The following CFAP61 variants were observed in gnomAD, a reference collection of about 807,000 sequenced individuals.
CFAP61 encodes cilia- and flagella-associated protein 61.
Under a neutral mutation model 135.6 loss-of-function variants are expected in CFAP61, and 107 were observed. The ratio of observed to expected loss-of-function variants is 0.79; its 90% confidence interval spans 0.67 to 0.93. The LOEUF is 0.93. Ranked by LOEUF, CFAP61 falls within the 40% of genes least tolerant of loss-of-function variation. The probability of loss-of-function intolerance (pLI) is 0.00; values close to 1 mark genes in which losing one functional copy is unlikely to be tolerated. For missense variants in CFAP61, 1,507 were observed against 1,556.2 expected (o/e 0.97, Z 0.53); for synonymous variants, 575 against 578.5 (o/e 0.99, Z 0.09).
chr20:20,298,364 A>C lies in CFAP61; in HGVS notation c.3400A>C (p.Asn1134His). The change falls in exon 25 of 27, where the codon AAC (asparagine) becomes CAC (histidine). Residue 1134 changes from asparagine to histidine, a missense_variant. Physicochemically the swap from Asn to His is moderately conservative, Grantham distance 68. Transcript: ENST00000245957. ...LNNLCARYDE[N>H]LITDLYSYFT... is the part of the protein sequence containing the mutation. ...CAACCTGTGTGCTCGGTACGATGAAAACCTGATCACAGATCTCTATAGGTG... is the reference window on the plus strand; with the variant it reads ...CAACCTGTGTGCTCGGTACGATGAACACCTGATCACAGATCTCTATAGGTG... The C allele has an allele frequency of 1.9e-6, 3 of 1,614,074 alleles. No homozygotes were observed. Among genetic ancestry groups the C allele is most frequent in the Non-Finnish European group, 2.5e-6 (3 of 1,179,984 alleles).
intron 18 of CFAP61, among the ~76,000 whole-genome samples, chr20:20,240,568 C>T (rs1266482412): frequency 1.3e-5 from 2 of 151,302 alleles, no homozygotes; most frequent in East Asian, 1.9e-4. Flanking sequence ...TTGTGGAGTC[C>T]GCCATCTTTT....
chr20:20,059,401 G>A lies in CFAP61; in HGVS notation c.143+2605G>A, dbSNP rs187475933. 1.0e-3 allele frequency among the ~76,000 whole-genome samples: 144 copies of A among 141,814 alleles called. No individual in the cohort carries two copies. In the Middle Eastern group the frequency reaches 0.044, roughly 43 times the overall value. 93.0% of individuals were successfully genotyped at this position (141,814 alleles called of 152,430 possible). A position where few individuals can be genotyped will look rare whatever the true frequency, so the allele number is the denominator to read the frequency against. ...GGATGCTGAGGTGGGCAGATCATCC[G>A]AGGTCAGGAGTTTGAGACCAACCTG... On this transcript the variant is annotated intron_variant, in intron 2 of 26. Transcript: ENST00000245957.
intron 13 of CFAP61, among the ~76,000 whole-genome samples, chr20:20,175,645 G>A (rs1247342975): frequency 6.6e-6 from 1 of 152,008 alleles, no homozygotes; most frequent in Non-Finnish European, 1.5e-5. Context: ...TCCTGCCTCA[G>A]CCTCCCGAGT....
In CFAP61 at chr20:20,337,612, G is replaced by A. The variant is rs1349800586; in HGVS notation, c.3423-4219G>A. Among the ~76,000 whole-genome samples the A allele has an allele frequency of 3.1e-3, 17 of 5,458 alleles. 1 individual carries two copies. Among genetic ancestry groups the A allele is most frequent in the Non-Finnish European group, 0.02 (7 of 352 alleles). The allele number at this position is 5,458 out of a possible 152,430, so 3.6% of individuals were successfully genotyped here. A position where few individuals can be genotyped will look rare whatever the true frequency, so the allele number is the denominator to read the frequency against. ...GGTGGATGGATGGATGGATAGATGG[G>A]TGGGTGGGTGGATGGATGGATGGAT... On this transcript the variant is annotated intron_variant, in intron 25 of 26. Coordinates refer to ENST00000245957, the MANE Select transcript of CFAP61 (RefSeq NM_015585.4).
At chr20:20,097,996 G>A (rs1011012787) in intron 7 of CFAP61, among the ~76,000 whole-genome samples, 9 of 152,122 alleles carry the variant, frequency 5.9e-5, no homozygotes, top group African/African-American at 1.9e-4. Flanking sequence ...AGACAGGAGC[G>A]CCAGGCTTAT....
At chr20:20,164,462 G>C (rs2053656170) in intron 11 of CFAP61, among the ~76,000 whole-genome samples, 1 of 152,174 alleles carries the variant, frequency 6.6e-6, no homozygotes, top group Non-Finnish European at 1.5e-5. Flanking sequence ...TAACAATTGG[G>C]AATCTGGAAA....
intron 26 of CFAP61, among the ~76,000 whole-genome samples, chr20:20,358,997 C>A (rs1461627003): frequency 6.6e-6 from 1 of 152,164 alleles, no homozygotes; most frequent in African/African-American, 2.4e-5. Flanking sequence ...TCTAGAAGTA[C>A]CCTGCTCTGG....
chr20:20,320,508 A>C (rs1203728571), intron 25 of CFAP61, among the ~76,000 whole-genome samples: 1 of 43,124 alleles, frequency 2.3e-5, no homozygotes, highest in Non-Finnish European at 5.1e-5. Context: ...TATATTATAT[A>C]TGTAATATAT....
chr20:20,323,768 G>T (rs1602018689), intron 25 of CFAP61, among the ~76,000 whole-genome samples: 1 of 152,046 alleles, frequency 6.6e-6, no homozygotes, highest in African/African-American at 2.4e-5. Flanking sequence ...ATGAAATAAA[G>T]AATTGCAAAG....
chr20:20,318,259 G>C (rs570788807), intron 25 of CFAP61, among the ~76,000 whole-genome samples: 18 of 152,302 alleles, frequency 1.2e-4, no homozygotes, highest in Admixed American at 1.0e-3. Context: ...GGCCTGTATT[G>C]CAACAGCTCA....
intron 17 of CFAP61, among the ~76,000 whole-genome samples, chr20:20,203,439 A>G (rs1430260856): frequency 6.6e-6 from 1 of 152,232 alleles, no homozygotes; most frequent in East Asian, 1.9e-4. Flanking sequence ...GCCTGCCTGC[A>G]TAAGAATTAT....
rs1602210288 is a variant in CFAP61, at chr20:20,360,501, T to A, written c.*91T>A. 1 of 1,220,440 alleles carries A rather than the reference T, an allele frequency of 8.2e-7. No individual in the cohort carries two copies. The highest frequency in any genetic ancestry group is 2.3e-5 in the East Asian group (1 of 42,886). 75.6% of individuals were successfully genotyped at this position (1,220,440 alleles called of 1,614,324 possible). ...ATAGAAAAGTTCTCTGCAGCCTGGT[T>A]TGACAGCGAAGCCAGCCCCTGGTGG... On this transcript the variant is annotated 3_prime_UTR_variant, in exon 27 of 27. Transcript: ENST00000245957.
At chr20:20,324,922 A>G (rs935470544) in intron 25 of CFAP61, among the ~76,000 whole-genome samples, 5 of 152,202 alleles carry the variant, frequency 3.3e-5, no homozygotes, top group Admixed American at 3.3e-4. Flanking sequence ...ATGAGAATTT[A>G]TTATATTTAA....
chr20:20,130,824 G>T (rs981122182), intron 8 of CFAP61, among the ~76,000 whole-genome samples: 1 of 151,824 alleles, frequency 6.6e-6, no homozygotes, highest in Non-Finnish European at 1.5e-5. Context: ...GTCTCCTTTG[G>T]TTGAGTTACA....
chr20:20,204,940 T>C (rs1439466996), intron 17 of CFAP61, among the ~76,000 whole-genome samples: 2 of 152,206 alleles, frequency 1.3e-5, no homozygotes, highest in Non-Finnish European at 2.9e-5. Context: ...CTTCTACTTA[T>C]AGTGAACTCT....
At chr20:20,082,159 C>T (rs1297095229) in intron 6 of CFAP61, among the ~76,000 whole-genome samples, 3 of 152,180 alleles carry the variant, frequency 2.0e-5, no homozygotes, top group Non-Finnish European at 4.4e-5. Context: ...CCTCCTTTCT[C>T]TTATTTCCCT....
At chr20:20,206,808 C>G (rs1040668011) in intron 17 of CFAP61, among the ~76,000 whole-genome samples, 1 of 151,950 alleles carries the variant, frequency 6.6e-6, no homozygotes, top group African/African-American at 2.4e-5. Flanking sequence ...ACAAGTGGGA[C>G]TGCTGGGTCA....
chr20:20,181,169 A>G (rs1374746060), intron 13 of CFAP61, among the ~76,000 whole-genome samples: 1 of 57,252 alleles, frequency 1.7e-5, no homozygotes, highest in African/African-American at 8.0e-5. Context: ...AAAGTTATAT[A>G]TATACACATA....
At position 20,196,674 on chromosome 20, in the gene CFAP61, C is replaced by G; in HGVS notation, c.1695C>G (p.Pro565=). 1 of 1,614,144 alleles carries G rather than the reference C, an allele frequency of 6.2e-7. No homozygotes were observed. The change falls in exon 16 of 27, where the codon CCC becomes CCG. Residue 565 remains proline, a synonymous_variant. Coordinates refer to ENST00000245957, the MANE Select transcript of CFAP61 (RefSeq NM_015585.4). ...HGHMHHFALN[P]IFRHYTKFFL... is the part of the protein sequence containing the mutation. The stretch of plus-strand genomic sequence containing the variant: ...ACATGCATCACTTTGCCCTCAACCC[C>G]ATTTTCCGGCACTACACCAAGTTCT...
Sources: allele counts gnomAD v4.1 joint callset (sites outside exome capture counted in the v4.1 genomes callset), GRCh38; gene constraint gnomAD v4.1.1; transcripts MANE v1.5; gene names NCBI Gene and HGNC (gene_info 2026-07-23, HGNC 2026-07-21).